The following RNF125 variants were observed in gnomAD, a reference collection of about 807,000 sequenced individuals.
RNF125 encodes the protein E3 ubiquitin-protein ligase RNF125.
RNF125 carries 21 observed loss-of-function variants against 26.0 expected under a neutral mutation model. That is an observed-to-expected ratio of 0.81 (90% confidence interval 0.57 to 1.16). The LOEUF (loss-of-function observed/expected upper bound fraction) is 1.16. Ranked by LOEUF, RNF125 falls within the 50% of genes most tolerant of loss-of-function variation. RNF125 has a pLI of 0.00. For missense variants in RNF125, 270 were observed against 299.4 expected (o/e 0.90, Z 0.72); for synonymous variants, 95 against 109.2 (o/e 0.87, Z 0.81).
chr18:32,045,342 T>A (rs2039258425), intron 3 of RNF125, among the ~76,000 whole-genome samples: 1 of 151,786 alleles, frequency 6.6e-6, no homozygotes, highest in South Asian at 2.1e-4. Context: ...GTGGATCACC[T>A]TAAGTCAGGA....
chr18:32,021,045 T>C (rs955892659), intron 1 of RNF125, among the ~76,000 whole-genome samples: 2 of 152,216 alleles, frequency 1.3e-5, no homozygotes, highest in African/African-American at 4.8e-5. Context: ...CTGCACAATG[T>C]ATAAATAAAG....
At chr18:32,075,693 C>CA (rs759960735), downstream of RNF125, among the ~76,000 whole-genome samples, 9,325 of 92,064 alleles carry the variant, frequency 0.1, 962 homozygotes, top group African/African-American at 0.22. Flanking sequence ...AACTCCATCT[C>CA]AAAAAAAAAA....
chr18:32,028,586 CT>C (rs71177830), intron 1 of RNF125, among the ~76,000 whole-genome samples: 87,900 of 127,488 alleles, frequency 0.69, 29,513 homozygotes, highest in African/African-American at 0.77. Context: ...ATTTTGTTTC[CT>C]TTTTTTTTTT....
In RNF125 at chr18:32,045,700, A is replaced by G. The variant is rs2039263250; in HGVS notation, c.472A>G (p.Ile158Val). 1.2e-6 allele frequency: 2 copies of G among 1,612,766 alleles called. No individual in the cohort carries two copies. Among genetic ancestry groups the G allele is most frequent in the Admixed American group, 1.7e-5 (1 of 59,768 alleles). ...TGAAGACAGCTTGCTGGATCATTGT[A>G]TTACTCATCACAGATCGGAACGGAG... ...LYEDSLLDHC[I>V]THHRSERRPV... is the part of the protein sequence containing the mutation. The change falls in exon 4 of 6, where the codon ATT (isoleucine) becomes GTT (valine). Residue 158 changes from isoleucine to valine, a missense_variant. Ile to Val is a conservative substitution (Grantham distance 29, BLOSUM62 3). Coordinates refer to ENST00000217740, the MANE Select transcript of RNF125 (RefSeq NM_017831.4).
intron 1 of RNF125, among the ~76,000 whole-genome samples, chr18:32,036,554 CAGAAAGGA>C (rs1240655320): frequency 0.015 from 2,003 of 130,852 alleles, 58 homozygotes; most frequent in African/African-American, 0.057. Context: ...ATTTCTTGAC[CAGAAAGGA>C]AGGAAGGAAG....
chr18:32,064,559 T>A (rs1440225045), intron 4 of RNF125, among the ~76,000 whole-genome samples: 2 of 150,300 alleles, frequency 1.3e-5, no homozygotes, highest in Admixed American at 1.3e-4. Context: ...CCAAACTATA[T>A]CACACACACA....
chr18:32,066,061 C>T (rs2039482721), intron 5 of RNF125, 52 bp downstream of exon 5: 1 of 1,169,010 alleles, frequency 8.6e-7, no homozygotes, highest in Non-Finnish European at 1.3e-6. Flanking sequence ...TCTTGTTAAG[C>T]TTACCTTTCC....
At position 32,018,954 on chromosome 18, in the gene RNF125, C is replaced by T. The variant is rs767460842; in HGVS notation, c.91C>T (p.Pro31Ser). The change falls in exon 1 of 6, where the codon CCC (proline) becomes TCC (serine). Residue 31 changes from proline (P) to serine (S), a missense_variant. Coordinates refer to ENST00000217740, the MANE Select transcript of RNF125 (RefSeq NM_017831.4). ...ALERRRDPELPVTSFDCAVCL... is the reference protein window; with the variant it reads ...ALERRRDPELSVTSFDCAVCL... ...GGAGCGCAGGAGGGACCCGGAGTTG[C>T]CCGTCACGTCCTTCGACTGCGCCGT... 3.1e-6 allele frequency: 5 copies of T among 1,613,756 alleles called. No homozygotes were observed. The highest frequency in any genetic ancestry group is 1.1e-5 in the South Asian group (1 of 91,040).
chr18:32,034,430 C>G (rs1464348913), intron 1 of RNF125, among the ~76,000 whole-genome samples: 2 of 152,180 alleles, frequency 1.3e-5, no homozygotes, highest in Non-Finnish European at 2.9e-5. Context: ...GTTCTTGCTG[C>G]TTCTTCACAC....
chr18:32,028,709 C>T (rs888619058), intron 1 of RNF125, among the ~76,000 whole-genome samples: 1 of 151,390 alleles, frequency 6.6e-6, no homozygotes, highest in Non-Finnish European at 1.5e-5. Flanking sequence ...TGTGCCAACA[C>T]GCCCGGCTAA....
At chr18:32,081,185 C>T in the RNF125 span, among the ~76,000 whole-genome samples, 1 of 108,756 alleles carries the variant, frequency 9.2e-6, no homozygotes, top group Non-Finnish European at 1.8e-5. Context: ...CAGAGTGAGA[C>T]TACATCTGAA....
intron 4 of RNF125, among the ~76,000 whole-genome samples, chr18:32,056,791 AACTC>A (rs1227650609): frequency 6.6e-6 from 1 of 152,206 alleles, no homozygotes; most frequent in East Asian, 1.9e-4. Context: ...GTGCAAAAGA[AACTC>A]AATGCACTTG....
At position 32,035,598 on chromosome 18, in the gene RNF125, TACA is replaced by T. The variant is rs555593565; in HGVS notation, c.165-1513_165-1511del. 2.9e-3 allele frequency among the ~76,000 whole-genome samples: 443 copies of T among 152,212 alleles called. 1 individual carries two copies. Among genetic ancestry groups the T allele is most frequent in the Non-Finnish European group, 4.7e-3 (317 of 68,018 alleles). ...ATTAGAATGGACAATCTCAACTATA[TACA>T]ACAATATAATGAATCTTTTGACCAT... On this transcript the variant is annotated intron_variant, in intron 1 of 5. Coordinates refer to ENST00000217740, the MANE Select transcript of RNF125 (RefSeq NM_017831.4).
chr18:32,072,815 A>G lies in RNF125; in HGVS notation c.*4431A>G, dbSNP rs1251202344. The G allele has an allele frequency of 1.3e-5, 2 of 152,218 alleles. No homozygotes were observed. Among genetic ancestry groups the G allele is most frequent in the East Asian group, 3.8e-4 (2 of 5,206 alleles). 9.4% of individuals were successfully genotyped at this position (152,218 alleles called of 1,614,324 possible). On this transcript the variant is annotated 3_prime_UTR_variant, in exon 6 of 6. Coordinates refer to ENST00000217740, the MANE Select transcript of RNF125 (RefSeq NM_017831.4). ...GTTATTCTTCTAAAGCTAAATTATT[A>G]AAATGTAGGTTGAAAGATTGGATTG...
At chr18:32,087,258 T>C in the RNF125 span, among the ~76,000 whole-genome samples, 1 of 151,900 alleles carries the variant, frequency 6.6e-6, no homozygotes, top group Non-Finnish European at 1.5e-5. Context: ...TTTCATTAAT[T>C]TGCTGGAGCA....
At chr18:32,066,378 G>C (rs751846079) in intron 5 of RNF125, among the ~76,000 whole-genome samples, 4 of 151,566 alleles carry the variant, frequency 2.6e-5, no homozygotes, top group Non-Finnish European at 5.9e-5. Flanking sequence ...AGAATCGCTT[G>C]AACCCAGGAG....
chr18:32,027,767 C>T (rs1395859270), intron 1 of RNF125, among the ~76,000 whole-genome samples: 1 of 152,016 alleles, frequency 6.6e-6, no homozygotes, highest in Non-Finnish European at 1.5e-5. Context: ...AGGCAGATAA[C>T]AGATTAATGG....
At chr18:32,028,167 G>A (rs1392018843) in intron 1 of RNF125, among the ~76,000 whole-genome samples, 2 of 151,440 alleles carry the variant, frequency 1.3e-5, no homozygotes, top group Non-Finnish European at 2.9e-5. Flanking sequence ...GCATGGTGGC[G>A]GGTGCCTGTA....
At chr18:32,051,694 C>CTTTTTTTT (rs71177837) in intron 4 of RNF125, among the ~76,000 whole-genome samples, 1 of 118,032 alleles carries the variant, frequency 8.5e-6, no homozygotes, top group Non-Finnish European at 1.6e-5. Context: ...TATTTTCTTT[C>CTTTTTTTT]TTTTTTTTTT....
Sources: gnomAD v4.1 joint callset for allele counts (sites outside exome capture counted in the v4.1 genomes callset) on GRCh38, gnomAD v4.1.1 for gene constraint, MANE v1.5 for transcripts, NCBI Gene and HGNC (gene_info 2026-07-23, HGNC 2026-07-21) for gene names.